The following TRPM3 variants were observed in gnomAD, a reference collection of about 807,000 sequenced individuals.
TRPM3 encodes the protein transient receptor potential cation channel subfamily M member 3.
A neutral mutation model predicts 181.2 loss-of-function variants in TRPM3; 77 were observed. The ratio of observed to expected loss-of-function variants is 0.42; its 90% confidence interval spans 0.35 to 0.51. TRPM3 has a LOEUF of 0.51. Ranked by LOEUF, TRPM3 falls within the 20% of genes least tolerant of loss-of-function variation. The pLI is 0.01. For missense variants in TRPM3, 1,759 were observed against 2,196.7 expected (o/e 0.80, Z 3.98); for synonymous variants, 745 against 796.4 (o/e 0.94, Z 1.09).
At chr9:71,200,748 AT>A (rs1406905654) in intron 1 of TRPM3, among the ~76,000 whole-genome samples, 2 of 151,974 alleles carry the variant, frequency 1.3e-5, no homozygotes, top group African/African-American at 4.8e-5. Flanking sequence ...CCATCCTTTT[AT>A]TTTGAGTCTA....
chr9:71,223,684 G>A (rs1446312491), intron 1 of TRPM3, among the ~76,000 whole-genome samples: 2 of 152,178 alleles, frequency 1.3e-5, no homozygotes, highest in African/African-American at 4.8e-5. Context: ...TTCCCTGAAA[G>A]GTGAGTCCCT....
chr9:70,610,586 A>T, intron 19 of TRPM3, 23 bp downstream of exon 19: 1 of 1,607,984 alleles, frequency 6.2e-7, no homozygotes, highest in Non-Finnish European at 8.5e-7. Flanking sequence ...TCCACTAGGA[A>T]GGAGAAAAGG....
intron 4 of TRPM3, among the ~76,000 whole-genome samples, chr9:70,845,606 A>G (rs2094922336): frequency 6.6e-6 from 1 of 152,206 alleles, no homozygotes; most frequent in Non-Finnish European, 1.5e-5. Flanking sequence ...TTAATTACGA[A>G]TGTATCCACA....
intron 11 of TRPM3, 36 bp downstream of exon 11, chr9:70,639,024 A>G: frequency 1.2e-6 from 2 of 1,606,250 alleles, no homozygotes; most frequent in Non-Finnish European, 1.7e-6. Context: ...CAAACAGAAA[A>G]AAAAGAAAAT....
intron 1 of TRPM3, among the ~76,000 whole-genome samples, chr9:70,893,345 G>A (rs2096239163): frequency 6.6e-6 from 1 of 152,102 alleles, no homozygotes; most frequent in South Asian, 2.1e-4. Context: ...GTTTTCTTGT[G>A]CATAGAAAGG....
At chr9:70,537,432 C>T (rs763830041) in intron 25 of TRPM3, 27 bp from the exon 26 acceptor site, 25 of 1,421,540 alleles carry the variant, frequency 1.8e-5, no homozygotes, top group Middle Eastern at 2.3e-4. Context: ...GAATGAGAGT[C>T]ACTCGGCCTG....
intron 1 of TRPM3, among the ~76,000 whole-genome samples, chr9:70,983,394 G>A (rs1197973593): frequency 6.6e-6 from 1 of 151,920 alleles, no homozygotes; most frequent in African/African-American, 2.4e-5. Context: ...GTGCCTACCA[G>A]ATATACAGAC....
chr9:71,124,105 C>T (rs753623699), upstream of TRPM3, among the ~76,000 whole-genome samples: 3 of 152,092 alleles, frequency 2.0e-5, no homozygotes, highest in Non-Finnish European at 4.4e-5. Flanking sequence ...GGAGATTACA[C>T]TGCAAAAGAG....
intron 1 of TRPM3, among the ~76,000 whole-genome samples, chr9:71,136,034 T>C (rs923950889): frequency 1.3e-5 from 2 of 152,196 alleles, no homozygotes; most frequent in Non-Finnish European, 2.9e-5. Context: ...TGAATTTAAT[T>C]CAATCAATTC....
chr9:70,884,871 T>C (rs1589522541), intron 1 of TRPM3, among the ~76,000 whole-genome samples: 1 of 152,186 alleles, frequency 6.6e-6, no homozygotes, highest in Non-Finnish European at 1.5e-5. Context: ...ATGCATACTC[T>C]GGTCCCTCGC....
At chr9:70,606,107 T>C (rs1423368329) in intron 19 of TRPM3, among the ~76,000 whole-genome samples, 2 of 152,232 alleles carry the variant, frequency 1.3e-5, no homozygotes, top group African/African-American at 4.8e-5. Flanking sequence ...TCACCTTTTG[T>C]AATGTTAACC....
intron 1 of TRPM3, among the ~76,000 whole-genome samples, chr9:71,344,410 C>T (rs1282557473): frequency 6.6e-6 from 1 of 151,652 alleles, no homozygotes; most frequent in Non-Finnish European, 1.5e-5. Context: ...AAGATCACAC[C>T]ATTGCACTCC....
intron 8 of TRPM3, among the ~76,000 whole-genome samples, chr9:70,693,587 T>C (rs1379688792): frequency 1.3e-5 from 2 of 152,228 alleles, no homozygotes; most frequent in East Asian, 3.9e-4. Context: ...CCTGAGCCCT[T>C]TTTTAAGAAA....
chr9:71,274,799 G>A (rs143050727), intron 1 of TRPM3, among the ~76,000 whole-genome samples: 3 of 152,158 alleles, frequency 2.0e-5, no homozygotes, highest in African/African-American at 7.2e-5. Context: ...ATAGCTTCTA[G>A]TATGTTTTGT....
intron 21 of TRPM3, among the ~76,000 whole-genome samples, chr9:70,597,160 C>T (rs1049088143): frequency 3.3e-5 from 5 of 151,942 alleles, no homozygotes; most frequent in African/African-American, 9.7e-5. Flanking sequence ...CTCGAACTCC[C>T]GACCTCAGGT....
chr9:70,983,834 AT>A (rs2097391837), intron 1 of TRPM3, among the ~76,000 whole-genome samples: 1 of 152,292 alleles, frequency 6.6e-6, no homozygotes, highest in East Asian at 1.9e-4. Flanking sequence ...TTTAGAGCCT[AT>A]TGTTACAAAG....
At chr9:71,138,041 G>A (rs1247939801) in intron 1 of TRPM3, among the ~76,000 whole-genome samples, 3 of 151,914 alleles carry the variant, frequency 2.0e-5, no homozygotes, top group African/African-American at 7.3e-5. Flanking sequence ...TTGAACTTGT[G>A]AGCTAGAGGT....
intron 1 of TRPM3, among the ~76,000 whole-genome samples, chr9:71,145,273 T>C (rs150965147): frequency 0.01 from 1,539 of 152,268 alleles, 21 homozygotes; most frequent in South Asian, 0.053. Flanking sequence ...GGAAGTCTAA[T>C]AGGGTAACTT....
At chr9:70,873,999 G>A (rs575872877) in intron 1 of TRPM3, among the ~76,000 whole-genome samples, 9 of 151,926 alleles carry the variant, frequency 5.9e-5, no homozygotes, top group Middle Eastern at 3.4e-3. Context: ...TTACTTTATA[G>A]CCTCTAAACT....
Sources: gnomAD v4.1 joint callset for allele counts (sites outside exome capture counted in the v4.1 genomes callset) on GRCh38, gnomAD v4.1.1 for gene constraint, MANE v1.5 for transcripts, NCBI Gene and HGNC (gene_info 2026-07-23, HGNC 2026-07-21) for gene names.